Variants in BRWD1 observed in about 807,000 individuals in gnomAD.
The protein encoded by BRWD1 is bromodomain and WD repeat domain containing 1, also known as bromodomain and WD repeat-containing protein 1.
A neutral mutation model predicts 251.2 loss-of-function variants in BRWD1; 82 were observed. The ratio of observed to expected loss-of-function variants is 0.33; its 90% confidence interval spans 0.27 to 0.39. The LOEUF is 0.39. BRWD1 is among the 10% of genes least tolerant of loss of function. The pLI is 1.00. For synonymous variants in BRWD1, 918 were observed against 902.8 expected (o/e 1.02, Z -0.30); for missense variants, 2,233 against 2,711.6 (o/e 0.82, Z 3.92).
intron 15 of BRWD1, among the ~76,000 whole-genome samples, chr21:39,266,804 A>C (rs1400282223): frequency 2.0e-5 from 3 of 152,238 alleles, no homozygotes; most frequent in Non-Finnish European, 4.4e-5. Flanking sequence ...AGAATTAGGA[A>C]TTATGAGCCT....
chr21:39,288,420 T>A (rs1795023135), intron 8 of BRWD1, among the ~76,000 whole-genome samples: 1 of 152,126 alleles, frequency 6.6e-6, no homozygotes. Flanking sequence ...TCCCAAAGAG[T>A]ACCTCCCCCA....
At chr21:39,264,827 ACTT>A in intron 16 of BRWD1, 61 bp downstream of exon 16, 1 of 1,572,470 alleles carries the variant, frequency 6.4e-7, no homozygotes, top group Non-Finnish European at 8.7e-7. Flanking sequence ...GCTCATAACT[ACTT>A]ATTTCCAAAA....
chr21:39,199,233 A>G lies in BRWD1; in HGVS notation c.5183T>C (p.Val1728Ala). The G allele has an allele frequency of 1.2e-6, 2 of 1,614,144 alleles. No individual in the cohort carries two copies. Among genetic ancestry groups the G allele is most frequent in the Non-Finnish European group, 1.7e-6 (2 of 1,180,024 alleles). Residue 1728 changes from valine to alanine, a missense_variant, in exon 40 of 41, where the codon GTA (valine) becomes GCA (alanine). Around this residue, in one of 12 missense-constraint regions of BRWD1, gnomAD observed 928 missense variants for 970.0 expected, o/e 0.96. Transcript: ENST00000342449. ...ATTAGCATGCCAATTTTTCCGGGCT[A>G]CCCGCAAATCACTTTCTGACTCTGA... ...RDSESESDLR[V>A]ARKNWHANGY...
At chr21:39,218,360 A>G in intron 30 of BRWD1, 88 bp from the exon 31 acceptor site, 1 of 1,478,806 alleles carries the variant, frequency 6.8e-7, no homozygotes, top group Non-Finnish European at 9.1e-7. Flanking sequence ...AGATATGGCT[A>G]CATTTAACAT....
chr21:39,198,943 AG>A lies in BRWD1; in HGVS notation c.5472del (p.Ser1825LeufsTer18). ...TCTCTATCTTGCTCTTCAGATTCAG[AG>A]TCTTCTGAGTCACTCAGAATCTTGG... ...KKTKILSDSE[D>X]SESEEQDRED... On this transcript the variant is annotated frameshift_variant, in exon 40 of 41. Coordinates refer to ENST00000342449, the MANE Select transcript of BRWD1 (RefSeq NM_033656.4). LOFTEE classifies it high-confidence loss of function. 6.2e-7 allele frequency: 1 copy of A among 1,614,000 alleles called. No homozygotes were observed. The highest frequency in any genetic ancestry group is 8.5e-7 in the Non-Finnish European group (1 of 1,179,996).
At chr21:39,236,215 G>A (rs1282292469) in intron 23 of BRWD1, among the ~76,000 whole-genome samples, 2 of 152,172 alleles carry the variant, frequency 1.3e-5, no homozygotes, top group East Asian at 1.9e-4. Context: ...AAAGGACTCC[G>A]CATCTGTGAA....
At position 39,276,152 on chromosome 21, in the gene BRWD1, A is replaced by G. The variant is rs755048802; in HGVS notation, c.1145+21T>C. On this transcript the variant is annotated intron_variant, in intron 12 of 40. Coordinates refer to ENST00000342449, the MANE Select transcript of BRWD1 (RefSeq NM_033656.4). The stretch of plus-strand genomic sequence containing the variant: ...TATTTGCCTAATAACACACACACAC[A>G]CATACAAAACACACACTTACCGATC... 35 of 1,599,096 alleles carry G rather than the reference A, an allele frequency of 2.2e-5. 1 individual carries two copies. The South Asian group carries it at 3.9e-4, about 18-fold the overall frequency.
intron 8 of BRWD1, among the ~76,000 whole-genome samples, chr21:39,289,536 A>G (rs1423221088): frequency 1.3e-5 from 2 of 152,126 alleles, no homozygotes; most frequent in Non-Finnish European, 2.9e-5. Context: ...TCCCCACCTA[A>G]AGAATATTAT....
At chr21:39,282,318 C>T (rs893698766) in intron 8 of BRWD1, among the ~76,000 whole-genome samples, 1 of 151,666 alleles carries the variant, frequency 6.6e-6, no homozygotes, top group Non-Finnish European at 1.5e-5. Context: ...ACTAATAGTG[C>T]CATTAACAGA....
At position 39,202,470 on chromosome 21, in the gene BRWD1, G is replaced by A; in HGVS notation, c.4440C>T (p.Thr1480=). The A allele has an allele frequency of 6.2e-7, 1 of 1,614,036 alleles. No homozygotes were observed. Among genetic ancestry groups the A allele is most frequent in the Non-Finnish European group, 8.5e-7 (1 of 1,179,954 alleles). ...TTCCAAGATAAGCTGTCCTACTTGA[G>A]GTAGACTGGGTAGGAGAACCTACCA... The part of the protein sequence containing the change: ...PELVGSPTQS[T]SSRTAYLGTH... The change falls in exon 38 of 41, where the codon ACC becomes ACT. Residue 1480 remains threonine (T), a synonymous_variant. Coordinates refer to ENST00000342449, the MANE Select transcript of BRWD1 (RefSeq NM_033656.4).
downstream of BRWD1, chr21:39,184,695 A>G (rs1289262578): frequency 1.3e-5 from 2 of 152,260 alleles, no homozygotes; most frequent in Admixed American, 6.5e-5. Flanking sequence ...ATCTGCAAAA[A>G]TAAAGTGAGT....
chr21:39,221,558 C>T (rs1054609447), intron 29 of BRWD1, among the ~76,000 whole-genome samples: 6 of 151,944 alleles, frequency 3.9e-5, no homozygotes, highest in African/African-American at 9.7e-5. Context: ...AGAAAAGCCC[C>T]GAAATACAGA....
In BRWD1 at chr21:39,312,780, AGGGGCG is replaced by A. The variant is rs961830889; in HGVS notation, c.198+55_198+60del. The A allele has an allele frequency of 9.7e-5, 134 of 1,385,002 alleles. 1 individual carries two copies. Among genetic ancestry groups the A allele is most frequent in the Admixed American group, 1.4e-4 (7 of 51,202 alleles). 85.8% of individuals were successfully genotyped at this position (1,385,002 alleles called of 1,614,324 possible). On this transcript the variant is annotated intron_variant, in intron 4 of 40. Transcript: ENST00000342449. ...ACGGGCCGGGGTCCCCGCGAGGGGA[AGGGGCG>A]GGGGCGGGGGGCGGTGCACGGAAAA...
intron 29 of BRWD1, among the ~76,000 whole-genome samples, chr21:39,221,926 A>C (rs1040429896): frequency 2.0e-5 from 3 of 152,198 alleles, no homozygotes; most frequent in Admixed American, 6.5e-5. Context: ...GAAAGAAAAA[A>C]GAAATTGAAC....
chr21:39,291,588 C>T (rs1272110928), intron 8 of BRWD1, among the ~76,000 whole-genome samples: 1 of 152,190 alleles, frequency 6.6e-6, no homozygotes, highest in African/African-American at 2.4e-5. Flanking sequence ...TCTAAAAAAA[C>T]TAAAACAAGC....
chr21:39,265,142 A>T, intron 15 of BRWD1, 123 bp from the exon 16 acceptor site: 1 of 1,083,882 alleles, frequency 9.2e-7, no homozygotes, highest in African/African-American at 1.6e-5. Flanking sequence ...AAAAAGTTTC[A>T]GCCAGGCATG....
chr21:39,271,830 G>A (rs565191494), intron 13 of BRWD1, among the ~76,000 whole-genome samples: 13 of 151,858 alleles, frequency 8.6e-5, no homozygotes, highest in African/African-American at 2.7e-4. Flanking sequence ...CTTGAGGTCA[G>A]GAGTTCCAGA....
chr21:39,293,887 A>G lies in BRWD1; in HGVS notation c.755T>C (p.Ile252Thr). The G allele has an allele frequency of 6.2e-7, 1 of 1,614,188 alleles. No individual in the cohort carries two copies. Among genetic ancestry groups the G allele is most frequent in the South Asian group, 1.1e-5 (1 of 91,082 alleles). The stretch of plus-strand genomic sequence containing the variant: ...ACAAGTTCTCAAGCACCACACTCTA[A>G]TAATTTTATCACAGCTCCCCGCAGC... Reference protein sequence around the residue: ...MIAAGSCDKIIRVWCLRTCAP... With the variant: ...MIAAGSCDKITRVWCLRTCAP... The change falls in exon 8 of 41, where the codon ATT becomes ACT. Residue 252 changes from isoleucine to threonine, a missense_variant. Ile to Thr is a moderately conservative substitution (Grantham distance 89). Transcript: ENST00000342449.
intron 37 of BRWD1, among the ~76,000 whole-genome samples, chr21:39,202,755 A>G (rs916949756): frequency 2.6e-5 from 4 of 152,212 alleles, no homozygotes; most frequent in South Asian, 4.1e-4. Flanking sequence ...CTGTTATTCA[A>G]ATTTGGAGTA....
Sources: gnomAD v4.1 joint callset for allele counts (sites outside exome capture counted in the v4.1 genomes callset) on GRCh38, gnomAD v4.1.1 for gene constraint, gnomAD v4.1.1 regional missense constraint, MANE v1.5 for transcripts, NCBI Gene and HGNC (gene_info 2026-07-23, HGNC 2026-07-21) for gene names.